The following MBD5 variants were observed in gnomAD, a reference collection of about 807,000 sequenced individuals.
MBD5 encodes methyl-CpG-binding domain protein 5.
A neutral mutation model predicts 117.3 loss-of-function variants in MBD5; 13 were observed. The ratio of observed to expected loss-of-function variants is 0.11; its 90% CI spans 0.07 to 0.18. The LOEUF (loss-of-function observed/expected upper bound fraction) is 0.18. Ranked by LOEUF, MBD5 falls within the 10% of genes least tolerant of loss-of-function variation. The pLI is 1.00. For missense variants in MBD5, 1,879 were observed against 2,093.8 expected, an observed-to-expected ratio of 0.90 and a Z score of 2.00; for synonymous variants, 727 against 766.4, an observed-to-expected ratio of 0.95 and a Z score of 0.85.
At chr2:148,464,068 A>C (rs780144896) in intron 7 of MBD5, 149 bp downstream of exon 7, 5 of 870,366 alleles carry the variant, frequency 5.7e-6, no homozygotes, top group Non-Finnish European at 8.6e-6. Flanking sequence ...TATTACAAAT[A>C]GCAAACTAGT....
At chr2:148,285,514 G>A (rs542161605) in intron 3 of MBD5, among the ~76,000 whole-genome samples, 4 of 152,230 alleles carry the variant, frequency 2.6e-5, no homozygotes, top group African/African-American at 9.6e-5. Context: ...ATGTAAATTA[G>A]CCACACTTAA....
intron 3 of MBD5, among the ~76,000 whole-genome samples, chr2:148,249,395 G>A (rs1029335221): frequency 6.6e-6 from 1 of 152,104 alleles, no homozygotes; most frequent in Admixed American, 6.5e-5. Context: ...GAGTTCTTCA[G>A]TTATTGTTTT....
chr2:148,502,520 T>C lies in MBD5; in HGVS notation c.5036+11T>C. ...GAAAAGGAACAGAAAGTAAGCACTTTTCCAAAATTTTACTTTGTTTTTCCA... is the reference window on the plus strand; with the variant it reads ...GAAAAGGAACAGAAAGTAAGCACTTCTCCAAAATTTTACTTTGTTTTTCCA... On this transcript the variant is annotated intron_variant, in intron 12 of 13. Coordinates refer to ENST00000642680, the MANE Select transcript of MBD5 (RefSeq NM_001378120.1). 1 of 1,612,792 alleles carries C rather than the reference T, an allele frequency of 6.2e-7. No individual in the cohort carries two copies. The highest frequency in any genetic ancestry group is 8.5e-7 in the Non-Finnish European group (1 of 1,179,062).
chr2:148,432,782 G>A (rs1294724211), intron 4 of MBD5, among the ~76,000 whole-genome samples: 2 of 152,156 alleles, frequency 1.3e-5, no homozygotes, highest in Admixed American at 1.3e-4. Flanking sequence ...TCGTAGTATA[G>A]TTTGAAGTTG....
At chr2:148,030,579 G>T (rs934656962) in intron 1 of MBD5, among the ~76,000 whole-genome samples, 9 of 152,098 alleles carry the variant, frequency 5.9e-5, no homozygotes, top group Admixed American at 4.6e-4. Flanking sequence ...AGTACATTAA[G>T]AAAAAATCTG....
rs147996232 is a variant in MBD5, at chr2:148,118,165, A to G, written c.-924-60535A>G. Among the ~76,000 whole-genome samples, 1,388 of 152,294 alleles carry G rather than the reference A, an allele frequency of 9.1e-3. 14 individuals carry two copies. Among genetic ancestry groups the G allele is most frequent in the African/African-American group, 0.031 (1,290 of 41,560 alleles). ...AAATATTAACAGAGAATGAGAGAAT[A>G]TCTGTAATCATGTTCCCATGAACTG... On this transcript the variant is annotated intron_variant, in intron 1 of 13. Coordinates refer to ENST00000642680, the MANE Select transcript of MBD5 (RefSeq NM_001378120.1).
intron 3 of MBD5, among the ~76,000 whole-genome samples, chr2:148,340,030 TC>T (rs1433048557): frequency 1.3e-5 from 2 of 152,090 alleles, no homozygotes; most frequent in East Asian, 1.9e-4. Context: ...CTGATTTGGG[TC>T]CCTCTCTCCC....
chr2:148,256,884 C>T (rs1480239466), intron 3 of MBD5, among the ~76,000 whole-genome samples: 2 of 152,208 alleles, frequency 1.3e-5, no homozygotes, highest in African/African-American at 4.8e-5. Flanking sequence ...GGTACTTGTA[C>T]TCAGCTTACT....
At chr2:148,211,777 G>A (rs1245865264) in intron 2 of MBD5, among the ~76,000 whole-genome samples, 3 of 152,142 alleles carry the variant, frequency 2.0e-5, no homozygotes, top group Admixed American at 1.3e-4. Flanking sequence ...TCAGGATCTC[G>A]CTCTGTCACC....
At chr2:148,091,221 G>T (rs1020873066) in intron 1 of MBD5, among the ~76,000 whole-genome samples, 1 of 152,110 alleles carries the variant, frequency 6.6e-6, no homozygotes, top group African/African-American at 2.4e-5. Context: ...TTCTGAAAAT[G>T]ACCTTACTGC....
chr2:148,148,613 C>G (rs1480818990), intron 1 of MBD5, among the ~76,000 whole-genome samples: 1 of 152,044 alleles, frequency 6.6e-6, no homozygotes, highest in South Asian at 2.1e-4. Flanking sequence ...CTCCCTAGTC[C>G]TTTGTCTATT....
At chr2:148,108,929 G>A (rs903367301) in intron 1 of MBD5, among the ~76,000 whole-genome samples, 2 of 152,152 alleles carry the variant, frequency 1.3e-5, no homozygotes, top group African/African-American at 4.8e-5. Context: ...AAAGTCACTG[G>A]TAATACCAAA....
Position 148,483,723 on chromosome 2 carries a change from C to G in MBD5, c.3132C>G (p.Ser1044Arg). ...TGCCAAGCAATCAGTCAGACAACAG[C>G]CGAGCTGAGACCCTTTTAACCAGCC... ...DHLPSNQSDNSRAETLLTSPL... is the reference protein window; with the variant it reads ...DHLPSNQSDNRRAETLLTSPL... The change falls in exon 9 of 14, where the codon AGC (serine) becomes AGG (arginine). Residue 1044 changes from serine to arginine, a missense_variant. Coordinates refer to ENST00000642680, the MANE Select transcript of MBD5 (RefSeq NM_001378120.1). The G allele has an allele frequency of 6.4e-7, 1 of 1,550,590 alleles. No homozygotes were observed. Among genetic ancestry groups the G allele is most frequent in the Middle Eastern group, 1.7e-4 (1 of 5,988 alleles).
At chr2:148,104,492 G>T (rs1189664596) in intron 1 of MBD5, among the ~76,000 whole-genome samples, 1 of 151,954 alleles carries the variant, frequency 6.6e-6, no homozygotes, top group African/African-American at 2.4e-5. Context: ...TTAACCTATT[G>T]CATTAAACAA....
rs535805362 is a variant in MBD5, at chr2:148,340,875, C to CACACACACACAT, written c.-679-1338_-679-1337insCACACACACATA. Among the ~76,000 whole-genome samples the CACACACACACAT allele has an allele frequency of 7.6e-5, 11 of 144,638 alleles. No homozygotes were observed. The East Asian group carries it at 1.0e-3, about 13-fold the overall frequency. 94.9% of individuals were successfully genotyped at this position (144,638 alleles called of 152,430 possible). A position where few individuals can be genotyped will look rare whatever the true frequency, so the allele number is the denominator to read the frequency against. On this transcript the variant is annotated intron_variant, in intron 3 of 13. Coordinates refer to ENST00000642680, the MANE Select transcript of MBD5 (RefSeq NM_001378120.1). Reference sequence around the variant, plus strand: ...ACACACACACACACACACACACACACATAGCATTTATTATTGAAACTGATA... The same window carrying CACACACACACAT: ...ACACACACACACACACACACACACACACACACACACATATAGCATTTATTATTGAAACTGATA...
At chr2:148,093,922 A>G (rs1696002189) in intron 1 of MBD5, among the ~76,000 whole-genome samples, 2 of 152,358 alleles carry the variant, frequency 1.3e-5, no homozygotes, top group East Asian at 1.9e-4. Context: ...AAGTACCCAC[A>G]AAATAACAGG....
chr2:148,225,475 A>G (rs1278306153), intron 2 of MBD5, among the ~76,000 whole-genome samples: 4 of 152,020 alleles, frequency 2.6e-5, no homozygotes. Flanking sequence ...TTTCTATTTA[A>G]GATAGGAGTA....
intron 1 of MBD5, among the ~76,000 whole-genome samples, chr2:148,108,055 GAGA>G (rs1343950766): frequency 6.6e-6 from 1 of 151,098 alleles, no homozygotes; most frequent in African/African-American, 2.4e-5. Context: ...CAAATTCTCA[GAGA>G]AGATTTATAT....
chr2:148,470,342 G>A lies in MBD5; in HGVS notation c.2399G>A (p.Gly800Asp), dbSNP rs201668347. The A allele has an allele frequency of 1.5e-5, 25 of 1,613,854 alleles. No individual in the cohort carries two copies. The Admixed American group carries it at 4.2e-4, about 27-fold the overall frequency. Residue 800 changes from glycine (G) to aspartate (D), a missense_variant, in exon 8 of 14, where the codon GGC (glycine) becomes GAC (aspartate). Physicochemically the swap from Gly to Asp is moderately conservative, Grantham distance 94 (BLOSUM62 -1). This residue lies in a region of MBD5 where 1,666 missense variants were observed against 1,792.2 expected (regional missense o/e 0.93). Transcript: ENST00000642680. ...SGNCGMLSQS[G>D]MALGNSLHPN... ...AACTGTGGGATGCTCAGTCAGTCGG[G>A]CATGGCTTTAGGAAATTCCTTACAT...
Sources: gnomAD v4.1 joint callset for allele counts (sites outside exome capture counted in the v4.1 genomes callset) on GRCh38, gnomAD v4.1.1 for gene constraint, gnomAD v4.1.1 regional missense constraint, MANE v1.5 for transcripts, NCBI Gene and HGNC (gene_info 2026-07-23, HGNC 2026-07-21) for gene names.